Variants in TMTC1 observed in about 807,000 individuals in gnomAD.
TMTC1 encodes the protein transmembrane O-mannosyltransferase targeting cadherins 1, also known as protein O-mannosyl-transferase TMTC1.
In TMTC1, 73 loss-of-function variants were observed where a neutral mutation model predicts 104.8. The observed-to-expected ratio is 0.70, with a 90% confidence interval of 0.58 to 0.85. TMTC1 has a LOEUF of 0.85. Among genes scored for constraint, TMTC1 ranks in the 40% least tolerant of loss-of-function variants. TMTC1 has a pLI of 0.00. For synonymous variants in TMTC1, 434 were observed against 428.7 expected, an observed-to-expected ratio of 1.01 and a Z score of -0.15; for missense variants, 1,035 against 1,096.1, an observed-to-expected ratio of 0.94 and a Z score of 0.79.
At chr12:29,610,494 C>A (rs1946817791) in intron 6 of TMTC1, among the ~76,000 whole-genome samples, 1 of 152,162 alleles carries the variant, frequency 6.6e-6, no homozygotes, top group South Asian at 2.1e-4. Flanking sequence ...ATGCAATAGA[C>A]CACTTCTTAT....
In TMTC1 at chr12:29,781,550, G is replaced by A. The variant is rs545071556; in HGVS notation, c.302+1900C>T. On this transcript the variant is annotated intron_variant, in intron 1 of 17. Transcript: ENST00000539277. ...AAGAAAAATAAAACATTTTAGGTGA[G>A]GTACAGTAGCTCATGCCCACAAGTC... is the stretch of plus-strand genomic sequence containing the variant. Among the ~76,000 whole-genome samples the A allele has an allele frequency of 3.3e-5, 5 of 152,280 alleles. No individual in the cohort carries two copies. In the South Asian group the frequency reaches 1.0e-3, roughly 32 times the overall value.
chr12:29,735,838 C>A (rs1212256250), intron 5 of TMTC1, among the ~76,000 whole-genome samples: 1 of 152,036 alleles, frequency 6.6e-6, no homozygotes, highest in Non-Finnish European at 1.5e-5. Context: ...CAGGTGTTGC[C>A]GTAGGTGAAA....
At chr12:29,567,024 T>C (rs988763124) in intron 9 of TMTC1, among the ~76,000 whole-genome samples, 1 of 152,218 alleles carries the variant, frequency 6.6e-6, no homozygotes, top group Non-Finnish European at 1.5e-5. Context: ...ACTCCCGTCC[T>C]GGATGCAGCG....
chr12:29,719,178 T>C (rs1027264996), intron 5 of TMTC1, among the ~76,000 whole-genome samples: 3 of 152,214 alleles, frequency 2.0e-5, no homozygotes, highest in Admixed American at 2.0e-4. Context: ...CAGAAGTTCA[T>C]ATTCTATTTC....
chr12:29,669,221 A>C (rs1940408285), intron 5 of TMTC1, among the ~76,000 whole-genome samples: 1 of 152,236 alleles, frequency 6.6e-6, no homozygotes, highest in Non-Finnish European at 1.5e-5. Context: ...GCAAGCTCAG[A>C]GGGAGAAAGT....
rs532034685 is a variant in TMTC1 at position 29,751,827 on chromosome 12, G to C, written c.777C>G (p.Ser259Arg). ...GGCCTGGCAGTGAGGAGGGCTGGGG[G>C]CTCCCGGGCTGCTGTGGGCTGCGTG... Reference protein sequence around the residue: ...LCPRSPQQPGSPQPSSLPGHP... With the variant: ...LCPRSPQQPGRPQPSSLPGHP... Residue 259 changes from serine (S) to arginine (R), a missense_variant, in exon 5 of 18, where the codon AGC becomes AGG. Transcript: ENST00000539277. The C allele has an allele frequency of 6.2e-7, 1 of 1,601,876 alleles. No individual in the cohort carries two copies. The highest frequency in any genetic ancestry group is 1.3e-5 in the African/African-American group (1 of 74,772).
chr12:29,507,067 C>A lies in TMTC1; in HGVS notation c.2509-81G>T, dbSNP rs1943712801. ...GAGAATGAAGAGACTAAGAAACTGACCCTCTGCCCAGTTTTACATTAATGT... is the reference window on the plus strand; with the variant it reads ...GAGAATGAAGAGACTAAGAAACTGAACCTCTGCCCAGTTTTACATTAATGT... On this transcript the variant is annotated intron_variant, in intron 17 of 17. Coordinates refer to ENST00000539277, the MANE Select transcript of TMTC1 (RefSeq NM_001193451.2). 3.4e-6 allele frequency: 4 copies of A among 1,192,802 alleles called. No individual in the cohort carries two copies. The East Asian group carries it at 9.4e-5, about 28-fold the overall frequency. The allele number at this position is 1,192,802 out of a possible 1,614,324, so 73.9% of individuals were successfully genotyped here. A position where few individuals can be genotyped will look rare whatever the true frequency, so the allele number is the denominator to read the frequency against.
chr12:29,666,985 A>G (rs1185531043), intron 5 of TMTC1, among the ~76,000 whole-genome samples: 1 of 152,216 alleles, frequency 6.6e-6, no homozygotes, highest in African/African-American at 2.4e-5. Flanking sequence ...TTCAACAGAA[A>G]TGCAGATTTA....
chr12:29,705,886 T>C (rs1035733486), intron 5 of TMTC1, among the ~76,000 whole-genome samples: 5 of 152,114 alleles, frequency 3.3e-5, no homozygotes, highest in Admixed American at 1.3e-4. Context: ...CCAAATATCA[T>C]GTGCTCTACT....
Position 29,727,842 on chromosome 12 carries a change from G to T in TMTC1, c.938+23824C>A, listed in dbSNP as rs140748110. On this transcript the variant is annotated intron_variant, in intron 5 of 17. Coordinates refer to ENST00000539277, the MANE Select transcript of TMTC1 (RefSeq NM_001193451.2). ...GGGTCTCACTATTGACCAGGCTAGA[G>T]TGCACTGCCACAATCATAGCTCACT... Among the ~76,000 whole-genome samples the T allele has an allele frequency of 7.6e-3, 1,161 of 152,180 alleles. 17 individuals carry two copies. The highest frequency in any genetic ancestry group is 0.027 in the African/African-American group (1,107 of 41,508).
intron 5 of TMTC1, among the ~76,000 whole-genome samples, chr12:29,635,120 T>C (rs996062936): frequency 3.3e-5 from 5 of 151,766 alleles, no homozygotes; most frequent in Non-Finnish European, 7.4e-5. Context: ...AAAGGTAATA[T>C]ACAAATAGAG....
At chr12:29,551,869 C>G (rs1945115694) in intron 10 of TMTC1, among the ~76,000 whole-genome samples, 1 of 151,344 alleles carries the variant, frequency 6.6e-6, no homozygotes, top group Non-Finnish European at 1.5e-5. Flanking sequence ...GCATGGAAAG[C>G]TGCTTCTTAT....
At chr12:29,623,710 G>A (rs1391165880) in intron 6 of TMTC1, among the ~76,000 whole-genome samples, 1 of 152,150 alleles carries the variant, frequency 6.6e-6, no homozygotes, top group African/African-American at 2.4e-5. Flanking sequence ...CTACTCAGGA[G>A]GCTGAGACAG....
intron 11 of TMTC1, among the ~76,000 whole-genome samples, chr12:29,531,721 C>T (rs1263767676): frequency 1.3e-5 from 2 of 152,170 alleles, no homozygotes; most frequent in Non-Finnish European, 2.9e-5. Flanking sequence ...AAGAGTTTAT[C>T]TTCTGTTCTC....
At chr12:29,779,551 T>C (rs913725178) in intron 1 of TMTC1, among the ~76,000 whole-genome samples, 17 of 152,254 alleles carry the variant, frequency 1.1e-4, no homozygotes, top group African/African-American at 2.2e-4. Context: ...TATTATTTAT[T>C]AGTATACAAG....
chr12:29,704,211 T>C (rs1454502615), intron 5 of TMTC1, among the ~76,000 whole-genome samples: 5 of 152,332 alleles, frequency 3.3e-5, no homozygotes, highest in Admixed American at 3.3e-4. Flanking sequence ...TATTCTTGGT[T>C]TTCAAAACAT....
chr12:29,693,259 C>T (rs922977726), intron 5 of TMTC1, among the ~76,000 whole-genome samples: 1 of 143,982 alleles, frequency 6.9e-6, no homozygotes, highest in Non-Finnish European at 1.5e-5. Context: ...AATAATTATA[C>T]ATATTTATGA....
intron 5 of TMTC1, among the ~76,000 whole-genome samples, chr12:29,643,992 ATTT>A (rs1939115200): frequency 8.6e-6 from 1 of 116,170 alleles, no homozygotes; most frequent in Non-Finnish European, 1.6e-5. Flanking sequence ...TAAATATATA[ATTT>A]ATATATAAAT....
At chr12:29,634,924 C>A (rs758561770) in intron 5 of TMTC1, among the ~76,000 whole-genome samples, 2 of 152,272 alleles carry the variant, frequency 1.3e-5, no homozygotes, top group East Asian at 3.9e-4. Flanking sequence ...TTCTCTCCTC[C>A]CCTCCTCTGT....
Sources: allele counts gnomAD v4.1 joint callset (sites outside exome capture counted in the v4.1 genomes callset), GRCh38; gene constraint gnomAD v4.1.1; transcripts MANE v1.5; gene names NCBI Gene and HGNC (gene_info 2026-07-23, HGNC 2026-07-21).